The following HPGD variants were observed in gnomAD, a reference collection of about 807,000 sequenced individuals.
HPGD encodes 15-hydroxyprostaglandin dehydrogenase.
In HPGD, 29 loss-of-function variants were observed where a neutral mutation model predicts 30.0. The ratio of observed to expected loss-of-function variants is 0.97; its 90% confidence interval spans 0.72 to 1.32. HPGD has a LOEUF of 1.32. Among genes scored for constraint, HPGD ranks in the 40% most tolerant of loss-of-function variants. The probability of loss-of-function intolerance (pLI) is 0.00; values close to 1 mark genes in which losing one functional copy is unlikely to be tolerated. For missense variants in HPGD, 340 were observed against 322.1 expected (o/e 1.06, Z -0.43); for synonymous variants, 99 against 112.4 (o/e 0.88, Z 0.75).
At chr4:174,506,652 T>A (rs917948171) in intron 4 of HPGD, 1 of 152,240 alleles carries the variant, frequency 6.6e-6, no homozygotes, top group African/African-American at 2.4e-5. Flanking sequence ...TTAAATGAGT[T>A]AATGTACAGT....
At chr4:174,497,571 T>C (rs1560976937) in intron 4 of HPGD, among the ~76,000 whole-genome samples, 28 of 43,962 alleles carry the variant, frequency 6.4e-4, no homozygotes, top group East Asian at 2.5e-3. Context: ...TTTCTTTCTT[T>C]TTTTTTTTTT....
At position 174,492,174 on chromosome 4, in the gene HPGD, T is replaced by A; in HGVS notation, c.663-80A>T. 7.5e-7 allele frequency: 1 copy of A among 1,333,138 alleles called. No individual in the cohort carries two copies. Among genetic ancestry groups the A allele is most frequent in the Non-Finnish European group, 1.1e-6 (1 of 934,742 alleles). The allele number at this position is 1,333,138 out of a possible 1,614,324, so 82.6% of individuals were successfully genotyped here. A position where few individuals can be genotyped will look rare whatever the true frequency, so the allele number is the denominator to read the frequency against. ...TCATTTTAAGTTATTTTCTGAAGAA[T>A]CTATTAAGTTGAACATGTTATAGGG... is the stretch of plus-strand genomic sequence containing the variant. On this transcript the variant is annotated intron_variant, in intron 6 of 6. Transcript: ENST00000296522. This position sits in a 1 kb window ranked among gnomAD's most constrained non-coding sequence, Gnocchi z 4.9.
At chr4:174,515,055 T>C (rs1173733016) in intron 3 of HPGD, among the ~76,000 whole-genome samples, 1 of 152,146 alleles carries the variant, frequency 6.6e-6, no homozygotes, top group Non-Finnish European at 1.5e-5. Flanking sequence ...TGTTCATGGA[T>C]AGGAAGAATC....
chr4:174,521,869 C>T (rs1579310117), intron 2 of HPGD, 75 bp downstream of exon 2: 3 of 1,591,128 alleles, frequency 1.9e-6, no homozygotes, highest in African/African-American at 1.3e-5. Flanking sequence ...CCCAGGGCCC[C>T]CTGGCCGGGC....
At chr4:174,508,841 C>T in intron 3 of HPGD, 49 bp from the exon 4 acceptor site, 1 of 1,026,642 alleles carries the variant, frequency 9.7e-7, no homozygotes, top group Non-Finnish European at 1.5e-6. Flanking sequence ...TTATCCTTTC[C>T]CATATTTTCA....
intron 3 of HPGD, among the ~76,000 whole-genome samples, chr4:174,509,313 G>A (rs907403626): frequency 6.6e-6 from 1 of 151,870 alleles, no homozygotes; most frequent in African/African-American, 2.4e-5. Context: ...TTTTGCTCCT[G>A]TATCTACCTC....
Position 174,507,892 on chromosome 4 carries a change from TC to T in HPGD, c.421+803del. On this transcript the variant is annotated intron_variant, in intron 4 of 6. Coordinates refer to ENST00000296522, the MANE Select transcript of HPGD (RefSeq NM_000860.6). ...CTGTGGAAAAGATGATTAGCTGCCC[TC>T]TGAAATCCATTCTTCTCTTAGGCAC... 8.2e-6 allele frequency: 4 copies of T among 485,892 alleles called. No individual in the cohort carries two copies. The South Asian group carries it at 1.6e-4, about 20-fold the overall frequency. The allele number at this position is 485,892 out of a possible 1,614,324, so 30.1% of individuals were successfully genotyped here.
chr4:174,517,282 T>TCA (rs45548335), intron 3 of HPGD, among the ~76,000 whole-genome samples: 7 of 152,088 alleles, frequency 4.6e-5, no homozygotes, highest in South Asian at 2.1e-4. Flanking sequence ...ATTATGGAAA[T>TCA]CACACACACA....
At position 174,492,972 on chromosome 4, in the gene HPGD, C is replaced by A. The variant is rs1467628637; in HGVS notation, c.662+179G>T. ...CAAAGTAACATTCATAATGTATAAACTTACATTCTATTTATAAACCCAGAA... is the reference window on the plus strand; with the variant it reads ...CAAAGTAACATTCATAATGTATAAAATTACATTCTATTTATAAACCCAGAA... On this transcript the variant is annotated intron_variant, in intron 6 of 6. Coordinates refer to ENST00000296522, the MANE Select transcript of HPGD (RefSeq NM_000860.6). The surrounding 1 kb of genome is among the most constrained non-coding windows in gnomAD (Gnocchi z 4.9). Among the ~76,000 whole-genome samples the A allele has an allele frequency of 2.3e-4, 35 of 151,996 alleles. No homozygotes were observed. Among genetic ancestry groups the A allele is most frequent in the Admixed American group, 2.3e-3 (35 of 15,258 alleles).
At chr4:174,512,502 A>G (rs1326371618) in intron 3 of HPGD, among the ~76,000 whole-genome samples, 1 of 152,228 alleles carries the variant, frequency 6.6e-6, no homozygotes, top group Non-Finnish European at 1.5e-5. Flanking sequence ...ATGCAAAAGA[A>G]CAAACATGGA....
intron 2 of HPGD, 54 bp from the exon 3 acceptor site, chr4:174,518,131 T>A: frequency 2.3e-6 from 2 of 881,220 alleles, no homozygotes; most frequent in Non-Finnish European, 3.8e-6. Flanking sequence ...TGTATACATT[T>A]AAATCATGTC....
At chr4:174,522,522 C>A (rs1040540365), upstream of HPGD, 10 of 1,218,320 alleles carry the variant, frequency 8.2e-6, no homozygotes, top group South Asian at 1.6e-5. Flanking sequence ...TTTATGCCCC[C>A]CTGCGCGCGC....
rs1477928291 is a variant in HPGD at position 174,518,063 on chromosome 4, C to CT, written c.231dup (p.Val78SerfsTer14). 3.2e-6 allele frequency: 5 copies of CT among 1,566,522 alleles called. No homozygotes were observed. The South Asian group carries it at 5.6e-5, about 17-fold the overall frequency. ...TCCAGTCTTCCAAAGTGGTCTACAA[C>CT]TTTTCTAAAAGTGTCTAATTATAAA... On this transcript the variant is annotated frameshift_variant, in exon 3 of 7. Transcript: ENST00000296522. LOFTEE classifies it high-confidence loss of function.
intron 4 of HPGD, among the ~76,000 whole-genome samples, chr4:174,503,430 T>C (rs1579283495): frequency 1.3e-5 from 2 of 152,222 alleles, no homozygotes; most frequent in East Asian, 3.9e-4. Flanking sequence ...ATAATTAAAT[T>C]GACCTCTATT....
intron 4 of HPGD, among the ~76,000 whole-genome samples, chr4:174,504,279 T>C (rs1045112371): frequency 1.3e-5 from 2 of 152,198 alleles, no homozygotes; most frequent in African/African-American, 4.8e-5. Context: ...CACAAGCAGA[T>C]ATGCCACTGG....
At position 174,492,117 on chromosome 4, in the gene HPGD, T is replaced by C. The variant is rs1296829963; in HGVS notation, c.663-23A>G. On this transcript the variant is annotated intron_variant, in intron 6 of 6. Transcript: ENST00000296522. This position sits in a 1 kb window ranked among gnomAD's most constrained non-coding sequence, Gnocchi z 4.9. The stretch of plus-strand genomic sequence containing the variant: ...GGGCTAAAAATAAAGAAAACAGTAT[T>C]TTGAAACGAAAGAATGAGGCATATT... The C allele has an allele frequency of 6.2e-7, 1 of 1,605,290 alleles. No homozygotes were observed. The highest frequency in any genetic ancestry group is 8.5e-7 in the Non-Finnish European group (1 of 1,173,930).
In HPGD at chr4:174,495,152, C is replaced by T. The variant is rs547934712; in HGVS notation, c.498+396G>A. On this transcript the variant is annotated intron_variant, in intron 5 of 6. Coordinates refer to ENST00000296522, the MANE Select transcript of HPGD (RefSeq NM_000860.6). The stretch of plus-strand genomic sequence containing the variant: ...CTATCAAGTAAATGCCTGGCCCCAC[C>T]CCTCCTTCCAGCTCCATGTTCTCAC... Among the ~76,000 whole-genome samples the T allele has an allele frequency of 2.6e-5, 4 of 152,286 alleles. No individual in the cohort carries two copies. In the South Asian group the frequency reaches 8.3e-4, roughly 32 times the overall value.
chr4:174,495,372 T>A (rs1560975725), intron 5 of HPGD, 176 bp downstream of exon 5: 1 of 621,642 alleles, frequency 1.6e-6, no homozygotes, highest in South Asian at 1.9e-5. Context: ...TTAAAAATGA[T>A]CTATTATTTA....
intron 3 of HPGD, among the ~76,000 whole-genome samples, chr4:174,512,530 G>A (rs1053407001): frequency 6.6e-6 from 1 of 152,102 alleles, no homozygotes; most frequent in Non-Finnish European, 1.5e-5. Flanking sequence ...AAGACCCAAG[G>A]AGGCAAATTA....
Sources: gnomAD v4.1 joint callset for allele counts (sites outside exome capture counted in the v4.1 genomes callset) on GRCh38, gnomAD v4.1.1 for gene constraint, Gnocchi (gnomAD v3.1) non-coding constraint, MANE v1.5 for transcripts, NCBI Gene and HGNC (gene_info 2026-07-23, HGNC 2026-07-21) for gene names.